ERO1B: variants seen among roughly 807,000 people sequenced by gnomAD.
ERO1B encodes the protein ERO1-like protein beta.
Under a neutral mutation model 75.3 loss-of-function variants are expected in ERO1B, and 49 were observed. The observed-to-expected ratio is 0.65, with a 90% CI of 0.52 to 0.83. The LOEUF (loss-of-function observed/expected upper bound fraction) is 0.83. Ranked by LOEUF, ERO1B falls within the 40% of genes least tolerant of loss-of-function variation. The pLI, the probability that ERO1B is intolerant of heterozygous loss-of-function variation, is 0.00. For missense variants in ERO1B, 512 were observed against 560.1 expected (o/e 0.91, Z 0.87); for synonymous variants, 191 against 192.9 (o/e 0.99, Z 0.08).
intron 1 of ERO1B, among the ~76,000 whole-genome samples, chr1:236,271,862 A>C (rs1449316557): frequency 6.6e-6 from 1 of 152,038 alleles, no homozygotes; most frequent in Non-Finnish European, 1.5e-5. Context: ...ATTTTTCTTA[A>C]ATTGTTGACT....
At chr1:236,279,396 G>A (rs779427296) in intron 1 of ERO1B, among the ~76,000 whole-genome samples, 8 of 149,666 alleles carry the variant, frequency 5.3e-5, no homozygotes, top group African/African-American at 1.2e-4. Context: ...CCAGTTACTC[G>A]GGAGGCTGAG....
At chr1:236,281,656 C>G (rs543004999) in intron 1 of ERO1B, 26 bp downstream of exon 1, 16 of 1,389,214 alleles carry the variant, frequency 1.2e-5, no homozygotes, top group South Asian at 1.5e-5. Flanking sequence ...GCCGGGGGTT[C>G]CCGGCCCGCT....
At chr1:236,232,117 T>C (rs10924811) in intron 9 of ERO1B, among the ~76,000 whole-genome samples, 10,448 of 152,264 alleles carry the variant, frequency 0.069, 747 homozygotes, top group East Asian at 0.39. Flanking sequence ...ACATCGCTCC[T>C]GTGAGATACG....
At chr1:236,249,360 G>T (rs775481336) in intron 5 of ERO1B, among the ~76,000 whole-genome samples, 2 of 151,922 alleles carry the variant, frequency 1.3e-5, no homozygotes, top group African/African-American at 4.8e-5. Context: ...GGAATGTAAA[G>T]GAATTTCTGA....
intron 5 of ERO1B, among the ~76,000 whole-genome samples, chr1:236,247,547 T>A (rs957158111): frequency 6.6e-6 from 1 of 152,206 alleles, no homozygotes; most frequent in Non-Finnish European, 1.5e-5. Context: ...ACTACGATAA[T>A]CACGTAATAA....
chr1:236,251,527 G>A, intron 4 of ERO1B: 1 of 924,360 alleles, frequency 1.1e-6, no homozygotes, highest in East Asian at 1.2e-4. Flanking sequence ...GACAGAGAGA[G>A]AGGGTATGAT....
At position 236,230,094 on chromosome 1, in the gene ERO1B, AAC is replaced by A. The variant is rs974579336; in HGVS notation, c.712+128_712+129del. The A allele has an allele frequency of 9.5e-6, 7 of 740,518 alleles. No individual in the cohort carries two copies. In the Admixed American group the frequency reaches 1.0e-4, roughly 11 times the overall value. 45.9% of individuals were successfully genotyped at this position (740,518 alleles called of 1,614,324 possible). A position where few individuals can be genotyped will look rare whatever the true frequency, so the allele number is the denominator to read the frequency against. On this transcript the variant is annotated intron_variant, in intron 10 of 15. Coordinates refer to ENST00000354619, the MANE Select transcript of ERO1B (RefSeq NM_019891.4). ...ATTTTATCCCCATATGTTAACCTAA[AAC>A]ACATTTTTTTTTTCAAACTGTCAAA...
intron 2 of ERO1B, among the ~76,000 whole-genome samples, chr1:236,263,470 G>A (rs1665339502): frequency 6.6e-6 from 1 of 152,000 alleles, no homozygotes; most frequent in Non-Finnish European, 1.5e-5. Context: ...GGCGGGTCTC[G>A]AACTCCTGAC....
At chr1:236,274,601 A>G (rs988724433) in intron 1 of ERO1B, among the ~76,000 whole-genome samples, 2 of 152,176 alleles carry the variant, frequency 1.3e-5, no homozygotes, top group African/African-American at 4.8e-5. Context: ...TTTAATATTT[A>G]TTATCCCATT....
intron 2 of ERO1B, among the ~76,000 whole-genome samples, chr1:236,267,063 A>G (rs1203932630): frequency 6.6e-6 from 1 of 152,234 alleles, no homozygotes; most frequent in Non-Finnish European, 1.5e-5. Context: ...TGCAAATGAG[A>G]CTGTCAACCA....
Position 236,215,719 on chromosome 1 carries a change from A to T in ERO1B, c.*2797T>A, listed in dbSNP as rs190242195. 2.0e-4 allele frequency: 29 copies of T among 144,170 alleles called. No homozygotes were observed. The East Asian group carries it at 7.2e-3, about 36-fold the overall frequency. The allele number at this position is 144,170 out of a possible 1,614,324, so 8.9% of individuals were successfully genotyped here. A position where few individuals can be genotyped will look rare whatever the true frequency, so the allele number is the denominator to read the frequency against. Reference sequence around the variant, plus strand: ...TTTTTTACCAAATAATTTCCACGATACCATGCACCTAATCTGTGTATTTTG... The same window carrying T: ...TTTTTTACCAAATAATTTCCACGATTCCATGCACCTAATCTGTGTATTTTG... On this transcript the variant is annotated 3_prime_UTR_variant, in exon 16 of 16. Coordinates refer to ENST00000354619, the MANE Select transcript of ERO1B (RefSeq NM_019891.4).
At chr1:236,258,385 AT>A (rs1665215152) in intron 2 of ERO1B, among the ~76,000 whole-genome samples, 1 of 151,370 alleles carries the variant, frequency 6.6e-6, no homozygotes, top group Non-Finnish European at 1.5e-5. Context: ...GGAATGTTAG[AT>A]TCAAAAAGCT....
In ERO1B at chr1:236,216,481, A is replaced by G. The variant is rs376490620; in HGVS notation, c.*2035T>C. On this transcript the variant is annotated 3_prime_UTR_variant, in exon 16 of 16. Coordinates refer to ENST00000354619, the MANE Select transcript of ERO1B (RefSeq NM_019891.4). ...AAATAAGATGAATTTCAGCCTAAGA[A>G]TACTTCATTTATTTTCTTAGTTGTG... The G allele has an allele frequency of 3.3e-5, 5 of 152,178 alleles. No homozygotes were observed. The highest frequency in any genetic ancestry group is 5.9e-5 in the Non-Finnish European group (4 of 68,002). The allele number at this position is 152,178 out of a possible 1,614,324, so 9.4% of individuals were successfully genotyped here.
At chr1:236,267,146 G>A (rs1334459232) in intron 2 of ERO1B, among the ~76,000 whole-genome samples, 1 of 152,188 alleles carries the variant, frequency 6.6e-6, no homozygotes, top group African/African-American at 2.4e-5. Context: ...CTTACATAAA[G>A]TTTGGAAAAT....
chr1:236,268,614 C>T lies in ERO1B; in HGVS notation c.222+1261G>A, dbSNP rs568103285. Among the ~76,000 whole-genome samples, 415 of 152,180 alleles carry T rather than the reference C, an allele frequency of 2.7e-3. 4 individuals carry two copies. Among genetic ancestry groups the T allele is most frequent in the Admixed American group, 3.8e-3 (58 of 15,296 alleles). ...AAAAAAGCAAAAACAAGGCCGGGCGCGGTGGCTCACGCCTGTAATCCCAGC... is the reference window on the plus strand; with the variant it reads ...AAAAAAGCAAAAACAAGGCCGGGCGTGGTGGCTCACGCCTGTAATCCCAGC... On this transcript the variant is annotated intron_variant, in intron 2 of 15. Transcript: ENST00000354619.
At chr1:236,258,255 A>G (rs1026884632) in intron 2 of ERO1B, among the ~76,000 whole-genome samples, 2 of 151,816 alleles carry the variant, frequency 1.3e-5, no homozygotes, top group Non-Finnish European at 2.9e-5. Context: ...AATTGTCAAA[A>G]GTTAAAGACA....
chr1:236,264,489 G>A (rs1301962240), intron 2 of ERO1B, among the ~76,000 whole-genome samples: 2 of 152,158 alleles, frequency 1.3e-5, no homozygotes, highest in African/African-American at 4.8e-5. Context: ...CTTATTAGTA[G>A]GAGGTAAATA....
At chr1:236,263,656 T>C (rs1224233065) in intron 2 of ERO1B, among the ~76,000 whole-genome samples, 1 of 152,182 alleles carries the variant, frequency 6.6e-6, no homozygotes, top group East Asian at 1.9e-4. Flanking sequence ...AAATCTACTT[T>C]TGTGTCTTTC....
intron 1 of ERO1B, 23 bp downstream of exon 1, chr1:236,281,659 G>T (rs561258909): frequency 7.2e-7 from 1 of 1,393,854 alleles, no homozygotes. Context: ...GGGGGTTCCC[G>T]GCCCGCTATC....
Sources: gnomAD v4.1 joint callset for allele counts (sites outside exome capture counted in the v4.1 genomes callset) on GRCh38, gnomAD v4.1.1 for gene constraint, MANE v1.5 for transcripts, NCBI Gene and HGNC (gene_info 2026-07-23, HGNC 2026-07-21) for gene names.